Variants in EXOC8 observed in about 807,000 individuals in gnomAD.
The protein encoded by EXOC8 is exocyst complex component 8, also known as exocyst complex 84 kDa subunit.
EXOC8 carries 19 observed loss-of-function variants against 50.8 expected under a neutral mutation model. The ratio of observed to expected loss-of-function variants is 0.37; its 90% CI spans 0.26 to 0.55. The LOEUF (loss-of-function observed/expected upper bound fraction) is 0.55. Among genes scored for constraint, EXOC8 ranks in the 20% least tolerant of loss-of-function variants. EXOC8 has a pLI of 0.80. For synonymous variants in EXOC8, 384 were observed against 367.9 expected (o/e 1.04, Z -0.50); for missense variants, 781 against 915.8 (o/e 0.85, Z 1.90).
Position 231,337,454 on chromosome 1 carries a change from G to A in EXOC8, c.292C>T (p.Leu98=), listed in dbSNP as rs150949622. 28 of 1,612,150 alleles carry A rather than the reference G, an allele frequency of 1.7e-5. No homozygotes were observed. The highest frequency in any genetic ancestry group is 2.2e-5 in the Non-Finnish European group (26 of 1,179,968). ...SHLLTEQKSS[L]ESIPLTLLPA... ...AGCAACGTAAGCGGGATGCTCTCCA[G>A]GCTGCTTTTCTGCTCGGTCAGCAAA... Residue 98 remains leucine, a synonymous_variant, in exon 1 of 1, where the codon CTG becomes TTG. Transcript: ENST00000366645. The surrounding 1 kb of genome is among the most constrained non-coding windows in gnomAD (Gnocchi z 5.9).
chr1:231,337,238 C>A lies in EXOC8; in HGVS notation c.508G>T (p.Glu170Ter), dbSNP rs947325260. ...RTLTTLLEKV[E>*]GCRHLLETPG... ...GTCTCCAGCAGATGCCTGCAGCCTT[C>A]CACCTTCTCAAGCAGGGTGGTGAGA... Residue 170 changes from glutamate to a stop codon, truncating the protein, a stop_gained, in exon 1 of 1, where the codon GAA (glutamate) becomes TAA (stop). Transcript: ENST00000366645. LOFTEE classifies it high-confidence loss of function. The surrounding 1 kb of genome is among the most constrained non-coding windows in gnomAD (Gnocchi z 5.9). The A allele has an allele frequency of 6.2e-7, 1 of 1,612,838 alleles. No homozygotes were observed. Among genetic ancestry groups the A allele is most frequent in the Non-Finnish European group, 8.5e-7 (1 of 1,180,006 alleles).
rs1402335229 is a variant in EXOC8, at chr1:231,333,538, A to T, written c.*2030T>A. ...TCATTCCACAGACTCAGCATCATAT[A>T]TTTATACATATTTCATACAGTATAG... is the stretch of plus-strand genomic sequence containing the variant. On this transcript the variant is annotated 3_prime_UTR_variant, in exon 1 of 1. Transcript: ENST00000366645. 6.6e-6 allele frequency: 1 copy of T among 152,638 alleles called. No individual in the cohort carries two copies. The highest frequency in any genetic ancestry group is 2.4e-5 in the African/African-American group (1 of 41,456). The allele number at this position is 152,638 out of a possible 1,614,324, so 9.5% of individuals were successfully genotyped here.
rs1214394186 is a variant in EXOC8 at position 231,334,062 on chromosome 1, A to G, written c.*1506T>C. 6.6e-6 allele frequency: 1 copy of G among 152,266 alleles called. No individual in the cohort carries two copies. The highest frequency in any genetic ancestry group is 1.5e-5 in the Non-Finnish European group (1 of 68,044). 9.4% of individuals were successfully genotyped at this position (152,266 alleles called of 1,614,324 possible). A position where few individuals can be genotyped will look rare whatever the true frequency, so the allele number is the denominator to read the frequency against. ...ATAGAATATACAACAGCGATAGTTT[A>G]GAAACCTTGGGAAGCTCACATTTCT... On this transcript the variant is annotated 3_prime_UTR_variant, in exon 1 of 1. Coordinates refer to ENST00000366645, the MANE Select transcript of EXOC8 (RefSeq NM_175876.5).
chr1:231,335,040 G>C lies in EXOC8; in HGVS notation c.*528C>G, dbSNP rs1488805324. On this transcript the variant is annotated 3_prime_UTR_variant, in exon 1 of 1. Coordinates refer to ENST00000366645, the MANE Select transcript of EXOC8 (RefSeq NM_175876.5). ...GGAAAAAAAAAAAGAAGAAAGAAAA[G>C]ACTAGCCTGGGCAACATGGCGAAAC... 4 of 151,944 alleles carry C rather than the reference G, an allele frequency of 2.6e-5. No individual in the cohort carries two copies. The highest frequency in any genetic ancestry group is 4.4e-5 in the Non-Finnish European group (3 of 68,198). 9.4% of individuals were successfully genotyped at this position (151,944 alleles called of 1,614,324 possible). A position where few individuals can be genotyped will look rare whatever the true frequency, so the allele number is the denominator to read the frequency against.
At position 231,337,261 on chromosome 1, in the gene EXOC8, A is replaced by G. The variant is rs1042962301; in HGVS notation, c.485T>C (p.Leu162Pro). The G allele has an allele frequency of 3.7e-6, 6 of 1,610,052 alleles. No homozygotes were observed. The highest frequency in any genetic ancestry group is 5.1e-6 in the Non-Finnish European group (6 of 1,179,984). ...TTCCACCTTCTCAAGCAGGGTGGTGAGAGTGCGCTGCTTTCCTTCCTCGCC... is the reference window on the plus strand; with the variant it reads ...TTCCACCTTCTCAAGCAGGGTGGTGGGAGTGCGCTGCTTTCCTTCCTCGCC... ...GPGEEGKQRT[L>P]TTLLEKVEGC... The change falls in exon 1 of 1, where the codon CTC (leucine) becomes CCC (proline). Residue 162 changes from leucine to proline, a missense_variant. Physicochemically the swap from Leu to Pro is moderately conservative, Grantham distance 98 (BLOSUM62 -3). Around this residue, in one of 3 missense-constraint regions of EXOC8, gnomAD observed 700 missense variants for 804.1 expected, o/e 0.87. Transcript: ENST00000366645. This position sits in a 1 kb window ranked among gnomAD's most constrained non-coding sequence, Gnocchi z 5.9.
In EXOC8 at chr1:231,336,376, T is replaced by C. The variant is rs759372445; in HGVS notation, c.1370A>G (p.His457Arg). The C allele has an allele frequency of 1.9e-6, 3 of 1,613,914 alleles. No individual in the cohort carries two copies. Among genetic ancestry groups the C allele is most frequent in the South Asian group, 1.1e-5 (1 of 91,096 alleles). ...GGTAAAGAAGACATGGCACAGCTTA[T>C]GAATATAGAGTAAAGTGGCACCTTC... is the stretch of plus-strand genomic sequence containing the variant. ...RIEGATLLYI[H>R]KLCHVFFTSL... The change falls in exon 1 of 1, where the codon CAT becomes CGT. Residue 457 changes from histidine to arginine, a missense_variant. This residue lies in a region of EXOC8 where 700 missense variants were observed against 804.1 expected (regional missense o/e 0.87). Transcript: ENST00000366645. The surrounding 1 kb of genome is among the most constrained non-coding windows in gnomAD (Gnocchi z 5.4).
Position 231,337,359 on chromosome 1 carries a change from G to A in EXOC8, c.387C>T (p.Gly129=), listed in dbSNP as rs998673559. The change falls in exon 1 of 1, where the codon GGC becomes GGT. Residue 129 remains glycine, a synonymous_variant. Coordinates refer to ENST00000366645, the MANE Select transcript of EXOC8 (RefSeq NM_175876.5). This position sits in a 1 kb window ranked among gnomAD's most constrained non-coding sequence, Gnocchi z 5.9. The part of the protein sequence containing the change: ...GGEEGVGGAG[G]RDHLRGQAGF... ...CGGCCTGGCCTCGGAGGTGGTCTCG[G>A]CCCCCCGCCCCACCGACTCCCTCCT... 2 of 1,601,614 alleles carry A rather than the reference G, an allele frequency of 1.2e-6. No homozygotes were observed. Among genetic ancestry groups the A allele is most frequent in the South Asian group, 2.2e-5 (2 of 90,996 alleles).
rs1481613310 is a variant in EXOC8 at position 231,334,450 on chromosome 1, G to A, written c.*1118C>T. ...TCTCCTACCCTGAATGGGGGAAGAT[G>A]GGACAGCTATATCTCATACTGAAGC... is the stretch of plus-strand genomic sequence containing the variant. On this transcript the variant is annotated 3_prime_UTR_variant, in exon 1 of 1. Coordinates refer to ENST00000366645, the MANE Select transcript of EXOC8 (RefSeq NM_175876.5). 2.6e-5 allele frequency: 4 copies of A among 152,200 alleles called. No homozygotes were observed. The highest frequency in any genetic ancestry group is 4.4e-5 in the Non-Finnish European group (3 of 68,044). 9.4% of individuals were successfully genotyped at this position (152,200 alleles called of 1,614,324 possible).
chr1:231,337,415 C>A lies in EXOC8; in HGVS notation c.331G>T (p.Ala111Ser), dbSNP rs749468990. The change falls in exon 1 of 1, where the codon GCC becomes TCC. Residue 111 changes from alanine to serine, a missense_variant. Around this residue, in one of 3 missense-constraint regions of EXOC8, gnomAD observed 700 missense variants for 804.1 expected, o/e 0.87. Coordinates refer to ENST00000366645, the MANE Select transcript of EXOC8 (RefSeq NM_175876.5). The surrounding 1 kb of genome is among the most constrained non-coding windows in gnomAD (Gnocchi z 5.9). ...IPLTLLPAAA[A>S]AGAAAASGGE... ...CCAGAGGCGGCGGCGGCTCCGGCGG[C>A]AGCAGCGGCAGGCAGCAACGTAAGC... 1 of 1,606,342 alleles carries A rather than the reference C, an allele frequency of 6.2e-7. No individual in the cohort carries two copies. The highest frequency in any genetic ancestry group is 8.5e-7 in the Non-Finnish European group (1 of 1,179,636).
rs1276203331 is a variant in EXOC8 at position 231,337,125 on chromosome 1, G to A, written c.621C>T (p.Leu207=). 1.9e-6 allele frequency: 3 copies of A among 1,614,122 alleles called. No individual in the cohort carries two copies. The highest frequency in any genetic ancestry group is 3.3e-5 in the Admixed American group (2 of 60,018). Residue 207 remains leucine (L), a synonymous_variant, in exon 1 of 1, where the codon CTC becomes CTT. Coordinates refer to ENST00000366645, the MANE Select transcript of EXOC8 (RefSeq NM_175876.5). This position sits in a 1 kb window ranked among gnomAD's most constrained non-coding sequence, Gnocchi z 5.9. ...TAGCCACCAACAAGCAATCGTTCATGAGAAAGCCGTGCACCCGCTGCAGTT... is the reference window on the plus strand; with the variant it reads ...TAGCCACCAACAAGCAATCGTTCATAAGAAAGCCGTGCACCCGCTGCAGTT... The part of the protein sequence containing the change: ...MAQLQRVHGF[L]MNDCLLVATW...
chr1:231,336,135 C>T lies in EXOC8; in HGVS notation c.1611G>A (p.Leu537=). The T allele has an allele frequency of 6.2e-7, 1 of 1,614,190 alleles. No homozygotes were observed. The highest frequency in any genetic ancestry group is 8.5e-7 in the Non-Finnish European group (1 of 1,180,034). Residue 537 remains leucine (L), a synonymous_variant, in exon 1 of 1, where the codon CTG becomes CTA. Transcript: ENST00000366645. This position sits in a 1 kb window ranked among gnomAD's most constrained non-coding sequence, Gnocchi z 5.4. The part of the protein sequence containing the change: ...EHCQQLGDIG[L]DLTFIIHALL... ...GGGCATGGATGATGAAGGTGAGATCCAGTCCGATATCACCCAGTTGCTGGC... is the reference window on the plus strand; with the variant it reads ...GGGCATGGATGATGAAGGTGAGATCTAGTCCGATATCACCCAGTTGCTGGC...
At position 231,337,816 on chromosome 1, in the gene EXOC8, A is replaced by C; in HGVS notation, c.-71T>G. The C allele has an allele frequency of 6.6e-7, 1 of 1,511,072 alleles. No individual in the cohort carries two copies. The highest frequency in any genetic ancestry group is 8.9e-7 in the Non-Finnish European group (1 of 1,129,340). 93.6% of individuals were successfully genotyped at this position (1,511,072 alleles called of 1,614,324 possible). On this transcript the variant is annotated 5_prime_UTR_variant, in exon 1 of 1. Transcript: ENST00000366645. This position sits in a 1 kb window ranked among gnomAD's most constrained non-coding sequence, Gnocchi z 5.9. The stretch of plus-strand genomic sequence containing the variant: ...CCGCCGCGGCTGTCTAGACCCACCC[A>C]AGGCCAACCGAGCTCCTGGGCTGAG...
In EXOC8 at chr1:231,332,815, A is replaced by T. The variant is rs1009788684; in HGVS notation, c.*2753T>A. ...AACATTTCAGATTCCCTCATATCAC[A>T]GCACATCAATAAGCAGTATGTACAT... is the stretch of plus-strand genomic sequence containing the variant. On this transcript the variant is annotated 3_prime_UTR_variant, in exon 1 of 1. Transcript: ENST00000366645. 6.6e-6 allele frequency: 1 copy of T among 152,220 alleles called. No individual in the cohort carries two copies. The highest frequency in any genetic ancestry group is 1.5e-5 in the Non-Finnish European group (1 of 68,042). 9.4% of individuals were successfully genotyped at this position (152,220 alleles called of 1,614,324 possible).
At position 231,337,293 on chromosome 1, in the gene EXOC8, G is replaced by C. The variant is rs1331644745; in HGVS notation, c.453C>G (p.Ser151=). Residue 151 remains serine (S), a synonymous_variant, in exon 1 of 1, where the codon TCC becomes TCG. Coordinates refer to ENST00000366645, the MANE Select transcript of EXOC8 (RefSeq NM_175876.5). The surrounding 1 kb of genome is among the most constrained non-coding windows in gnomAD (Gnocchi z 5.9). The part of the protein sequence containing the change: ...STPGGASRDG[S]GPGEEGKQRT... ...GCTGCTTTCCTTCCTCGCCTGGACCGGAGCCGTCGCGGGAGGCACCCCCGG... is the reference window on the plus strand; with the variant it reads ...GCTGCTTTCCTTCCTCGCCTGGACCCGAGCCGTCGCGGGAGGCACCCCCGG... 6 of 1,604,910 alleles carry C rather than the reference G, an allele frequency of 3.7e-6. No individual in the cohort carries two copies. Among genetic ancestry groups the C allele is most frequent in the Non-Finnish European group, 3.4e-6 (4 of 1,179,964 alleles).
Position 231,337,595 on chromosome 1 carries a change from G to T in EXOC8, c.151C>A (p.Leu51Met). The T allele has an allele frequency of 6.2e-7, 1 of 1,612,482 alleles. No individual in the cohort carries two copies. Among genetic ancestry groups the T allele is most frequent in the Non-Finnish European group, 8.5e-7 (1 of 1,179,986 alleles). ...AGGTTCTGCGCCGTCTCCTCCGCCA[G>T]CGCCTGGATGCGCTGCCGGTGCTCC... Reference protein sequence around the residue: ...LQEHRQRIQALAEETAQNLKR... With the variant: ...LQEHRQRIQAMAEETAQNLKR... Residue 51 changes from leucine to methionine, a missense_variant, in exon 1 of 1, where the codon CTG (leucine) becomes ATG (methionine). Transcript: ENST00000366645. The surrounding 1 kb of genome is among the most constrained non-coding windows in gnomAD (Gnocchi z 5.9).
rs1686647634 is a variant in EXOC8, at chr1:231,335,580, T to C, written c.2166A>G (p.Thr722=). The change falls in exon 1 of 1, where the codon ACA becomes ACG. Residue 722 remains threonine, a synonymous_variant. Coordinates refer to ENST00000366645, the MANE Select transcript of EXOC8 (RefSeq NM_175876.5). ...ACAGACCCAAGCATTAGACCACTGA[T>C]GTTGTACTTTCAGGATTCACACGAA... The part of the protein sequence containing the change: ...RLIRVNPEST[T]SVV 1 of 1,609,264 alleles carries C rather than the reference T, an allele frequency of 6.2e-7. No individual in the cohort carries two copies.
Position 231,335,731 on chromosome 1 carries a change from GCTTT to G in EXOC8, c.2011_2014del (p.Lys671LeufsTer36). On this transcript the variant is annotated frameshift_variant, in exon 1 of 1. Transcript: ENST00000366645. LOFTEE classifies it high-confidence loss of function. ...AAAGGATGCATTCTGTCTGATAAAA[GCTTT>G]CTTCTCTGGATCCTGCTCACATCGA... is the stretch of plus-strand genomic sequence containing the variant. The G allele has an allele frequency of 6.2e-7, 1 of 1,614,116 alleles. No individual in the cohort carries two copies.
rs1571985523 is a variant in EXOC8, at chr1:231,337,620, C to T, written c.126G>A (p.Gln42=). The change falls in exon 1 of 1, where the codon CAG becomes CAA. Residue 42 remains glutamine (Q), a synonymous_variant. Coordinates refer to ENST00000366645, the MANE Select transcript of EXOC8 (RefSeq NM_175876.5). This position sits in a 1 kb window ranked among gnomAD's most constrained non-coding sequence, Gnocchi z 5.9. ...GCGCCTGGATGCGCTGCCGGTGCTC[C>T]TGGAGGTCCCGGTCCCCATCCGACT... ...SQQSDGDRDL[Q]EHRQRIQALA... The T allele has an allele frequency of 6.2e-7, 1 of 1,611,796 alleles. No individual in the cohort carries two copies. Among genetic ancestry groups the T allele is most frequent in the East Asian group, 2.2e-5 (1 of 44,872 alleles).
chr1:231,336,142 A>T lies in EXOC8; in HGVS notation c.1604T>A (p.Ile535Asn). The T allele has an allele frequency of 6.2e-7, 1 of 1,614,166 alleles. No individual in the cohort carries two copies. Among genetic ancestry groups the T allele is most frequent in the Non-Finnish European group, 8.5e-7 (1 of 1,180,030 alleles). Residue 535 changes from isoleucine to asparagine, a missense_variant, in exon 1 of 1, where the codon ATC becomes AAC. Ile to Asn is a moderately radical substitution (Grantham distance 149). Coordinates refer to ENST00000366645, the MANE Select transcript of EXOC8 (RefSeq NM_175876.5). The surrounding 1 kb of genome is among the most constrained non-coding windows in gnomAD (Gnocchi z 5.4). Reference protein sequence around the residue: ...AKEHCQQLGDIGLDLTFIIHA... With the variant: ...AKEHCQQLGDNGLDLTFIIHA... Reference sequence around the variant, plus strand: ...GATGATGAAGGTGAGATCCAGTCCGATATCACCCAGTTGCTGGCAATGCTC... The same window carrying T: ...GATGATGAAGGTGAGATCCAGTCCGTTATCACCCAGTTGCTGGCAATGCTC...
Sources: allele counts gnomAD v4.1 joint callset, GRCh38; gene constraint gnomAD v4.1.1; regional missense constraint gnomAD v4.1.1; non-coding constraint Gnocchi (gnomAD v3.1); transcripts MANE v1.5; gene names NCBI Gene and HGNC (gene_info 2026-07-23, HGNC 2026-07-21).